SPARCL1: variants seen among roughly 807,000 people sequenced by gnomAD.
The protein encoded by SPARCL1 is SPARC like 1, also known as SPARC-like protein 1.
SPARCL1 carries 52 observed loss-of-function variants against 67.1 expected under a neutral mutation model. The observed-to-expected ratio is 0.78, with a 90% CI of 0.62 to 0.98. The LOEUF is 0.98. SPARCL1 is among the 50% of genes least tolerant of loss of function. SPARCL1 has a pLI of 0.00. For missense variants in SPARCL1, 717 were observed against 782.4 expected, an observed-to-expected ratio of 0.92 and a Z score of 1.00; for synonymous variants, 226 against 267.8, an observed-to-expected ratio of 0.84 and a Z score of 1.52.
intron 7 of SPARCL1, among the ~76,000 whole-genome samples, chr4:87,489,704 T>C (rs1724232312): frequency 6.6e-6 from 1 of 152,228 alleles, no homozygotes; most frequent in Non-Finnish European, 1.5e-5. Flanking sequence ...GCAAGATATA[T>C]GGTCATACCT....
At chr4:87,519,931 T>C (rs1725735680) in intron 1 of SPARCL1, among the ~76,000 whole-genome samples, 2 of 152,048 alleles carry the variant, frequency 1.3e-5, no homozygotes, top group Non-Finnish European at 2.9e-5. Context: ...ACACACAGCA[T>C]TGGATATCAC....
intron 1 of SPARCL1, among the ~76,000 whole-genome samples, chr4:87,510,219 A>G (rs900276019): frequency 9.2e-5 from 14 of 152,236 alleles, no homozygotes; most frequent in African/African-American, 3.4e-4. Context: ...TGTGTTCCGC[A>G]TGTCTCTTCC....
At position 87,486,888 on chromosome 4, in the gene SPARCL1, C is replaced by CTTTTTTTTTTTTTTTTTTT. The variant is rs57597004; in HGVS notation, c.1531+3366_1531+3384dup. On this transcript the variant is annotated intron_variant, in intron 7 of 10. Coordinates refer to ENST00000282470, the MANE Select transcript of SPARCL1 (RefSeq NM_004684.6). ...TCTGAGGCTAGTATTGCAATTCCTG[C>CTTTTTTTTTTTTTTTTTTT]TTTTTTTTTTTTTTTTTTTTTTTTT... is the stretch of plus-strand genomic sequence containing the variant. Among the ~76,000 whole-genome samples, 13 of 27,998 alleles carry CTTTTTTTTTTTTTTTTTTT rather than the reference C, an allele frequency of 4.6e-4. 2 individuals are homozygous for CTTTTTTTTTTTTTTTTTTT. Among genetic ancestry groups the CTTTTTTTTTTTTTTTTTTT allele is most frequent in the East Asian group, 2.3e-3 (2 of 888 alleles). 18.4% of individuals were successfully genotyped at this position (27,998 alleles called of 152,430 possible). A position where few individuals can be genotyped will look rare whatever the true frequency, so the allele number is the denominator to read the frequency against.
At chr4:87,505,513 T>G (rs1360039274) in intron 1 of SPARCL1, among the ~76,000 whole-genome samples, 1 of 152,060 alleles carries the variant, frequency 6.6e-6, no homozygotes, top group Non-Finnish European at 1.5e-5. Flanking sequence ...TCCACAAATA[T>G]TTATTAGAGT....
intron 5 of SPARCL1, 53 bp downstream of exon 5, chr4:87,491,565 A>T (rs749141405): frequency 9.2e-6 from 13 of 1,415,486 alleles, no homozygotes; most frequent in Non-Finnish European, 1.3e-5. Context: ...AAAGTGGCAG[A>T]TTCCATTTCT....
At chr4:87,482,328 T>C in intron 8 of SPARCL1, 96 bp downstream of exon 8, 2 of 1,336,690 alleles carry the variant, frequency 1.5e-6, no homozygotes, top group East Asian at 2.4e-5. Context: ...TAGTGGGCTT[T>C]TGCCAGTATG....
intron 8 of SPARCL1, 121 bp from the exon 9 acceptor site, chr4:87,480,641 T>C (rs1723782776): frequency 4.8e-6 from 4 of 835,610 alleles, no homozygotes; most frequent in Non-Finnish European, 7.2e-6. Flanking sequence ...GCTCAGGACA[T>C]CATGTGCAAC....
At chr4:87,522,430 A>G (rs17012777) in intron 1 of SPARCL1, among the ~76,000 whole-genome samples, 40,005 of 150,734 alleles carry the variant, frequency 0.27, 5,538 homozygotes, top group South Asian at 0.41. Context: ...TTAAACCTGA[A>G]TCAAGCAAAG....
At chr4:87,498,916 C>G (rs1724731307) in intron 2 of SPARCL1, among the ~76,000 whole-genome samples, 1 of 152,038 alleles carries the variant, frequency 6.6e-6, no homozygotes, top group Non-Finnish European at 1.5e-5. Context: ...CTCTGTTGCC[C>G]AGGCTGGAGT....
At chr4:87,488,941 C>T (rs567209287) in intron 7 of SPARCL1, among the ~76,000 whole-genome samples, 2 of 151,208 alleles carry the variant, frequency 1.3e-5, no homozygotes, top group African/African-American at 2.5e-5. Context: ...CCCTCCCCCC[C>T]ACCAAACTCA....
At chr4:87,475,981 C>A (rs2110208551) in intron 10 of SPARCL1, among the ~76,000 whole-genome samples, 1 of 152,198 alleles carries the variant, frequency 6.6e-6, no homozygotes, top group Middle Eastern at 3.4e-3. Flanking sequence ...ATGTAGGTGC[C>A]CATCAGTGGT....
rs78485592 is a variant in SPARCL1 at position 87,501,272 on chromosome 4, C to G, written c.-11-1687G>C. ...GGGGTCCATACCTGGGGTCACCACG[C>G]CCTGGTAATCCCCTTTGTCTTTTTT... On this transcript the variant is annotated intron_variant, in intron 1 of 10. Coordinates refer to ENST00000282470, the MANE Select transcript of SPARCL1 (RefSeq NM_004684.6). Among the ~76,000 whole-genome samples the G allele has an allele frequency of 5.2e-3, 786 of 152,214 alleles. 6 individuals carry two copies. The highest frequency in any genetic ancestry group is 0.018 in the African/African-American group (744 of 41,522).
intron 1 of SPARCL1, among the ~76,000 whole-genome samples, chr4:87,510,848 C>T (rs1386813541): frequency 6.6e-6 from 1 of 152,242 alleles, no homozygotes; most frequent in Non-Finnish European, 1.5e-5. Context: ...TGTCTGCGGA[C>T]GGTGGAGCTA....
chr4:87,484,440 A>G (rs1351647770), intron 7 of SPARCL1, among the ~76,000 whole-genome samples: 1 of 152,154 alleles, frequency 6.6e-6, no homozygotes, highest in Non-Finnish European at 1.5e-5. Flanking sequence ...CCATTGGTCT[A>G]TATATCTGTT....
At chr4:87,489,534 A>G (rs1347767967) in intron 7 of SPARCL1, among the ~76,000 whole-genome samples, 1 of 152,216 alleles carries the variant, frequency 6.6e-6, no homozygotes, top group African/African-American at 2.4e-5. Context: ...TTATTTGGCC[A>G]TCTTGCCAGC....
chr4:87,497,229 C>G (rs1724654712), intron 2 of SPARCL1: 1 of 984,932 alleles, frequency 1.0e-6, no homozygotes, highest in Non-Finnish European at 1.2e-6. Context: ...TGCTTCTTAT[C>G]TCCTTTTCAC....
Position 87,482,558 on chromosome 4 carries a change from TAG to T in SPARCL1, c.1532_1533del (p.Ser511TyrfsTer8). ...ACTTCAAAGTCCGTACAAGTAGGAA[TAG>T]CTGTTACAAGCAGAAAATGTACTGT... Reference protein sequence around the residue: ...LQLDYFGACKSIPTCTDFEVI... With the variant: ...LQLDYFGACKXIPTCTDFEVI... On this transcript the variant is annotated frameshift_variant and splice_region_variant, in exon 8 of 11. Transcript: ENST00000282470. LOFTEE classifies it high-confidence loss of function. 1 of 1,613,914 alleles carries T rather than the reference TAG, an allele frequency of 6.2e-7. No homozygotes were observed. The highest frequency in any genetic ancestry group is 8.5e-7 in the Non-Finnish European group (1 of 1,179,846).
intron 7 of SPARCL1, among the ~76,000 whole-genome samples, chr4:87,488,291 T>C (rs1213660144): frequency 6.6e-6 from 1 of 152,202 alleles, no homozygotes; most frequent in East Asian, 1.9e-4. Context: ...TGTGGATATC[T>C]TTTTTGTTGA....
chr4:87,488,286 A>G (rs1368507500), intron 7 of SPARCL1, among the ~76,000 whole-genome samples: 3 of 151,764 alleles, frequency 2.0e-5, no homozygotes, highest in Non-Finnish European at 2.9e-5. Context: ...TTTTGTGTGG[A>G]TATCTTTTTT....
Sources: gnomAD v4.1 joint callset for allele counts (sites outside exome capture counted in the v4.1 genomes callset) on GRCh38, gnomAD v4.1.1 for gene constraint, MANE v1.5 for transcripts, NCBI Gene and HGNC (gene_info 2026-07-23, HGNC 2026-07-21) for gene names.